Variants in KLF12 observed in about 807,000 individuals in gnomAD.
KLF12 encodes Krueppel-like factor 12.
KLF12 carries 9 observed loss-of-function variants against 37.8 expected under a neutral mutation model. The ratio of observed to expected loss-of-function variants is 0.24; its 90% CI spans 0.14 to 0.42. The LOEUF is 0.42. KLF12 is among the 10% of genes least tolerant of loss of function. The probability of loss-of-function intolerance (pLI) is 1.00; values close to 1 mark genes in which losing one functional copy is unlikely to be tolerated. For missense variants in KLF12, 411 were observed against 516.0 expected (o/e 0.80, Z 1.97); for synonymous variants, 208 against 202.1 (o/e 1.03, Z -0.25).
intron 6 of KLF12, among the ~76,000 whole-genome samples, chr13:73,732,982 A>G (rs1877182338): frequency 6.6e-6 from 1 of 152,198 alleles, no homozygotes; most frequent in African/African-American, 2.4e-5. Context: ...TAGCTTATAC[A>G]GGACCTACAG....
chr13:74,135,719 C>T (rs916699577), upstream of KLF12, among the ~76,000 whole-genome samples: 5 of 152,088 alleles, frequency 3.3e-5, no homozygotes, highest in African/African-American at 4.8e-5. Context: ...GCCCGGCCCG[C>T]CCCGCGTGGG....
chr13:74,305,051 T>C, the KLF12 span, among the ~76,000 whole-genome samples: 3 of 152,044 alleles, frequency 2.0e-5, no homozygotes, highest in African/African-American at 7.2e-5. Context: ...AATGCATAAT[T>C]AACCTCCTCC....
At chr13:73,961,754 A>C (rs1891027361) in intron 2 of KLF12, among the ~76,000 whole-genome samples, 1 of 152,180 alleles carries the variant, frequency 6.6e-6, no homozygotes, top group African/African-American at 2.4e-5. Context: ...AAGATGTTCA[A>C]CACCATACAT....
At chr13:74,294,367 A>G in the KLF12 span, among the ~76,000 whole-genome samples, 1 of 152,060 alleles carries the variant, frequency 6.6e-6, no homozygotes, top group Non-Finnish European at 1.5e-5. Flanking sequence ...CCCCAAATTA[A>G]TAAGAGAATT....
chr13:73,759,103 A>G (rs1003667768), intron 6 of KLF12, among the ~76,000 whole-genome samples: 3 of 152,170 alleles, frequency 2.0e-5, no homozygotes, highest in Admixed American at 1.3e-4. Context: ...AATTCAGCAC[A>G]TATACAGAGA....
At chr13:74,127,964 C>G (rs1878037665) in intron 1 of KLF12, among the ~76,000 whole-genome samples, 2 of 152,202 alleles carry the variant, frequency 1.3e-5, no homozygotes, top group South Asian at 2.1e-4. Flanking sequence ...AAATTAAGGG[C>G]ATTCTTTTTA....
In KLF12 at chr13:73,696,987, G is replaced by A. The variant is rs1431569445; in HGVS notation, c.1028-1316C>T. On this transcript the variant is annotated intron_variant, in intron 7 of 7. Coordinates refer to ENST00000377669, the MANE Select transcript of KLF12 (RefSeq NM_007249.5). ...TAGACGCCCTTCTGTACCAGTTTCC[G>A]AATACTTGGAGATCTGGGACTATTC... Among the ~76,000 whole-genome samples, 12 of 152,128 alleles carry A rather than the reference G, an allele frequency of 7.9e-5. No homozygotes were observed. In the South Asian group the frequency reaches 2.5e-3, roughly 32 times the overall value.
chr13:74,182,090 G>A, the KLF12 span, among the ~76,000 whole-genome samples: 35 of 152,340 alleles, frequency 2.3e-4, no homozygotes, highest in Non-Finnish European at 3.5e-4. Context: ...AAAAGTGTGG[G>A]AGGGTATAAA....
chr13:74,013,909 G>T (rs181536494), intron 1 of KLF12, among the ~76,000 whole-genome samples: 29 of 151,478 alleles, frequency 1.9e-4, no homozygotes, highest in Non-Finnish European at 4.0e-4. Context: ...TGAACTCCTG[G>T]GCTCAAGGTA....
rs189419035 is a variant in KLF12 at position 73,965,827 on chromosome 13, G to A, written c.34-21757C>T. 1.6e-4 allele frequency among the ~76,000 whole-genome samples: 25 copies of A among 152,240 alleles called. No individual in the cohort carries two copies. In the South Asian group the frequency reaches 3.7e-3, roughly 23 times the overall value. On this transcript the variant is annotated intron_variant, in intron 2 of 7. Coordinates refer to ENST00000377669, the MANE Select transcript of KLF12 (RefSeq NM_007249.5). ...TATTATAACATGCTCTTCAAGCTAC[G>A]AAATGACAATTTTATACCAATGAGC...
At chr13:73,954,500 A>G (rs1423551908) in intron 2 of KLF12, among the ~76,000 whole-genome samples, 2 of 152,242 alleles carry the variant, frequency 1.3e-5, no homozygotes, top group African/African-American at 2.4e-5. Context: ...AGCACATAAA[A>G]GCATGACGTA....
chr13:73,764,039 A>AT (rs1267398507), intron 6 of KLF12, among the ~76,000 whole-genome samples: 3 of 152,132 alleles, frequency 2.0e-5, no homozygotes, highest in African/African-American at 7.2e-5. Context: ...AATAATCTTG[A>AT]TTTAGGAATA....
the KLF12 span, among the ~76,000 whole-genome samples, chr13:74,291,875 A>G: frequency 6.6e-6 from 1 of 152,186 alleles, no homozygotes; most frequent in Non-Finnish European, 1.5e-5. Context: ...CTATTTTTGA[A>G]ATCAAAATGT....
At chr13:73,731,717 T>TA (rs1364247467) in intron 6 of KLF12, among the ~76,000 whole-genome samples, 2 of 152,086 alleles carry the variant, frequency 1.3e-5, no homozygotes, top group Non-Finnish European at 2.9e-5. Context: ...GAGATGCACT[T>TA]AAGTGGAGGG....
intron 1 of KLF12, among the ~76,000 whole-genome samples, chr13:74,051,744 G>T (rs548136038): frequency 8.5e-5 from 13 of 152,200 alleles, no homozygotes; most frequent in African/African-American, 3.1e-4. Flanking sequence ...AAAGGAAAGG[G>T]AACTTGGAAT....
At chr13:74,150,410 T>A in the KLF12 span, among the ~76,000 whole-genome samples, 1 of 152,332 alleles carries the variant, frequency 6.6e-6, no homozygotes, top group South Asian at 2.1e-4. Context: ...GGAACACATT[T>A]CGTTCATGCC....
intron 1 of KLF12, among the ~76,000 whole-genome samples, chr13:74,106,867 G>C (rs1218677757): frequency 2.6e-5 from 4 of 151,766 alleles, no homozygotes; most frequent in African/African-American, 9.7e-5. Context: ...TAAAATCTTG[G>C]TAAGAAAGTC....
chr13:73,827,144 T>A (rs1239026423), intron 4 of KLF12, among the ~76,000 whole-genome samples: 1 of 152,240 alleles, frequency 6.6e-6, no homozygotes, highest in African/African-American at 2.4e-5. Context: ...TTATTCATAC[T>A]CTTTCATTTA....
At chr13:74,040,443 G>A (rs368729693) in intron 1 of KLF12, among the ~76,000 whole-genome samples, 52 of 152,260 alleles carry the variant, frequency 3.4e-4, no homozygotes, top group African/African-American at 1.2e-3. Flanking sequence ...CTGCAGCCCC[G>A]GCCTGGGACA....
Sources: gnomAD v4.1 joint callset for allele counts (sites outside exome capture counted in the v4.1 genomes callset) on GRCh38, gnomAD v4.1.1 for gene constraint, MANE v1.5 for transcripts, NCBI Gene and HGNC (gene_info 2026-07-23, HGNC 2026-07-21) for gene names.